The following NAA16 variants were observed in gnomAD, a reference collection of about 807,000 sequenced individuals.
The protein encoded by NAA16 is NARG1-like protein.
Under a neutral mutation model 110.3 loss-of-function variants are expected in NAA16, and 97 were observed. The ratio of observed to expected loss-of-function variants is 0.88; its 90% CI spans 0.75 to 1.04. The LOEUF (loss-of-function observed/expected upper bound fraction) is 1.04, where lower values mean the gene tolerates loss of function less well. Among genes scored for constraint, NAA16 ranks in the 50% least tolerant of loss-of-function variants. The pLI is 0.00. For synonymous variants in NAA16, 372 were observed against 330.6 expected, an observed-to-expected ratio of 1.13 and a Z score of -1.36; for missense variants, 1,017 against 1,005.1, an observed-to-expected ratio of 1.01 and a Z score of -0.16.
chr13:41,333,171 G>A (rs1468794338), intron 8 of NAA16, among the ~76,000 whole-genome samples: 1 of 152,084 alleles, frequency 6.6e-6, no homozygotes, highest in Non-Finnish European at 1.5e-5. Context: ...TGCGTAGTGA[G>A]GAGTATTTTC....
chr13:41,330,497 T>C (rs2042210133), intron 7 of NAA16, among the ~76,000 whole-genome samples: 1 of 152,042 alleles, frequency 6.6e-6, no homozygotes, highest in Admixed American at 6.6e-5. Context: ...CAAAAACAGG[T>C]TTGTTTGCTT....
At chr13:41,373,922 T>A in intron 18 of NAA16, 142 bp downstream of exon 18, 1 of 1,298,502 alleles carries the variant, frequency 7.7e-7, no homozygotes, top group Non-Finnish European at 1.0e-6. Flanking sequence ...TAAGTTATGT[T>A]CAATAATAGG....
chr13:41,320,917 A>G (rs939406396), intron 4 of NAA16, 93 bp downstream of exon 4: 3 of 1,135,372 alleles, frequency 2.6e-6, no homozygotes, highest in South Asian at 3.3e-5. Flanking sequence ...AGCCAAAATC[A>G]AGTAGATTTG....
chr13:41,316,584 C>T (rs944651773), intron 1 of NAA16, among the ~76,000 whole-genome samples: 8 of 152,114 alleles, frequency 5.3e-5, no homozygotes, highest in East Asian at 1.9e-4. Context: ...GAATTACAAG[C>T]GTGAGCCACC....
chr13:41,317,008 C>T (rs1428161743), intron 2 of NAA16, 78 bp downstream of exon 2: 13 of 1,030,336 alleles, frequency 1.3e-5, no homozygotes, highest in Non-Finnish European at 1.8e-5. Context: ...AAGAGTATTT[C>T]CCCGATTCCA....
In NAA16 at chr13:41,369,159, T is replaced by C; in HGVS notation, c.1823T>C (p.Leu608Pro). 1 of 1,592,842 alleles carries C rather than the reference T, an allele frequency of 6.3e-7. No individual in the cohort carries two copies. The highest frequency in any genetic ancestry group is 8.5e-7 in the Non-Finnish European group (1 of 1,172,862). The change falls in exon 15 of 20, where the codon CTA becomes CCA. Residue 608 changes from leucine (L) to proline (P), a missense_variant. Leu to Pro is a moderately conservative substitution (Grantham distance 98). Coordinates refer to ENST00000379406, the MANE Select transcript of NAA16 (RefSeq NM_024561.5). Reference protein sequence around the residue: ...KQRRAQKKAKLEEERKHAERE... With the variant: ...KQRRAQKKAKPEEERKHAERE... Reference sequence around the variant, plus strand: ...AGAAGAGCTCAGAAAAAGGCTAAACTAGAAGAAGAAAGAAAGCATGCAGAA... The same window carrying C: ...AGAAGAGCTCAGAAAAAGGCTAAACCAGAAGAAGAAAGAAAGCATGCAGAA...
intron 6 of NAA16, among the ~76,000 whole-genome samples, chr13:41,326,988 A>G (rs1192588242): frequency 2.0e-5 from 3 of 152,266 alleles, no homozygotes; most frequent in South Asian, 4.1e-4. Flanking sequence ...TAGTTTTGCC[A>G]TTTCCAAAAT....
intron 14 of NAA16, among the ~76,000 whole-genome samples, chr13:41,367,990 G>A (rs1458859489): frequency 2.6e-5 from 4 of 152,182 alleles, no homozygotes; most frequent in African/African-American, 7.2e-5. Flanking sequence ...TTGAGGCCAG[G>A]AGTTCAAGAC....
At chr13:41,323,368 C>T (rs77299533) in intron 5 of NAA16, among the ~76,000 whole-genome samples, 178 bp downstream of exon 5, 7 of 139,566 alleles carry the variant, frequency 5.0e-5, no homozygotes, top group African/African-American at 1.0e-4. Flanking sequence ...TTTTTTTTTC[C>T]GAGACGGAGT....
intron 1 of NAA16, among the ~76,000 whole-genome samples, chr13:41,314,847 T>A (rs746734355): frequency 5.3e-5 from 8 of 151,792 alleles, no homozygotes; most frequent in Non-Finnish European, 1.0e-4. Flanking sequence ...TAAAAAAAAA[T>A]TTAGCCAGGC....
At chr13:41,332,911 T>C (rs558067726) in intron 8 of NAA16, among the ~76,000 whole-genome samples, 1 of 152,198 alleles carries the variant, frequency 6.6e-6, no homozygotes, top group African/African-American at 2.4e-5. Flanking sequence ...TGAAGAGTAG[T>C]GTTCTTCTGA....
At chr13:41,315,534 C>T (rs917323071) in intron 1 of NAA16, among the ~76,000 whole-genome samples, 25 of 152,126 alleles carry the variant, frequency 1.6e-4, no homozygotes, top group Admixed American at 1.2e-3. Context: ...GTTTTTGAAC[C>T]TCTGGAGTTT....
intron 12 of NAA16, among the ~76,000 whole-genome samples, chr13:41,360,902 A>G (rs2043099154): frequency 6.6e-6 from 1 of 152,224 alleles, no homozygotes; most frequent in South Asian, 2.1e-4. Context: ...GTGACCATTA[A>G]CAAAATGGAA....
At chr13:41,343,339 C>T (rs1208337211) in intron 9 of NAA16, among the ~76,000 whole-genome samples, 1 of 152,134 alleles carries the variant, frequency 6.6e-6, no homozygotes, top group Non-Finnish European at 1.5e-5. Context: ...ATTCTCCTGC[C>T]TTAGAATCCC....
chr13:41,323,269 T>C (rs771703901), intron 5 of NAA16, 79 bp downstream of exon 5: 12 of 1,397,898 alleles, frequency 8.6e-6, no homozygotes, highest in Non-Finnish European at 1.1e-5. Flanking sequence ...CAAATGTGAA[T>C]TAAAGTATTT....
At chr13:41,373,284 G>T (rs1270210246) in intron 17 of NAA16, 2 of 680,730 alleles carry the variant, frequency 2.9e-6, no homozygotes, top group East Asian at 1.3e-4. Flanking sequence ...TTTTGAGACA[G>T]TCTTGCTCTG....
At chr13:41,319,757 T>G (rs978541130) in intron 3 of NAA16, among the ~76,000 whole-genome samples, 1 of 152,120 alleles carries the variant, frequency 6.6e-6, no homozygotes, top group Admixed American at 6.6e-5. Flanking sequence ...CCTCAGGTGA[T>G]CCACCCTCCT....
At chr13:41,375,353 A>C in intron 19 of NAA16, 52 bp from the exon 20 acceptor site, 1 of 1,351,566 alleles carries the variant, frequency 7.4e-7, no homozygotes, top group Non-Finnish European at 1.0e-6. Flanking sequence ...GTGGTTATTA[A>C]CTGCGAGCTT....
At chr13:41,345,784 G>A (rs116694583) in intron 9 of NAA16, among the ~76,000 whole-genome samples, 1,830 of 152,270 alleles carry the variant, frequency 0.012, 30 homozygotes, top group African/African-American at 0.041. Context: ...CATTTGCCCA[G>A]GCTGGTCTTA....
Sources: gnomAD v4.1 joint callset for allele counts (sites outside exome capture counted in the v4.1 genomes callset) on GRCh38, gnomAD v4.1.1 for gene constraint, MANE v1.5 for transcripts, NCBI Gene and HGNC (gene_info 2026-07-23, HGNC 2026-07-21) for gene names.